The following TRPM3 variants were observed in gnomAD, a reference collection of about 807,000 sequenced individuals.
The protein encoded by TRPM3 is transient receptor potential cation channel subfamily M member 3.
In TRPM3, 77 loss-of-function variants were observed where a neutral mutation model predicts 181.2. The ratio of observed to expected loss-of-function variants is 0.42; its 90% CI spans 0.35 to 0.51. The LOEUF (loss-of-function observed/expected upper bound fraction) is 0.51. Ranked by LOEUF, TRPM3 falls within the 20% of genes least tolerant of loss-of-function variation. The probability of loss-of-function intolerance (pLI) is 0.01; values close to 1 mark genes in which losing one functional copy is unlikely to be tolerated. For synonymous variants in TRPM3, 745 were observed against 796.4 expected, an observed-to-expected ratio of 0.94 and a Z score of 1.09; for missense variants, 1,759 against 2,196.7, an observed-to-expected ratio of 0.80 and a Z score of 3.98.
chr9:71,441,285 G>A (rs188900527), intron 1 of TRPM3, among the ~76,000 whole-genome samples: 13 of 151,380 alleles, frequency 8.6e-5, no homozygotes, highest in South Asian at 4.2e-4. Context: ...CTGTATTCCT[G>A]AGCAATACAA....
chr9:71,272,477 TA>T (rs1474862410), intron 1 of TRPM3, among the ~76,000 whole-genome samples: 1 of 152,204 alleles, frequency 6.6e-6, no homozygotes, highest in Non-Finnish European at 1.5e-5. Flanking sequence ...AGCTCATTTA[TA>T]AATTTATTCA....
rs12552491 is a variant in TRPM3, at chr9:71,032,089, A to G, written c.177+89089T>C. Among the ~76,000 whole-genome samples, 33 of 11,982 alleles carry G rather than the reference A, an allele frequency of 2.8e-3. 4 individuals carry two copies. Among genetic ancestry groups the G allele is most frequent in the South Asian group, 9.3e-3 (4 of 430 alleles). 7.9% of individuals were successfully genotyped at this position (11,982 alleles called of 152,430 possible). A position where few individuals can be genotyped will look rare whatever the true frequency, so the allele number is the denominator to read the frequency against. On this transcript the variant is annotated intron_variant, in intron 1 of 25. Coordinates refer to ENST00000677713, the MANE Select transcript of TRPM3 (RefSeq NM_001366145.2). ...ATATTATATTATATTATATATATAT[A>G]ATTATATAATATTATATATATTATA... is the stretch of plus-strand genomic sequence containing the variant.
In TRPM3 at chr9:70,537,091, G is replaced by A. The variant is rs940339995; in HGVS notation, c.4022C>T (p.Thr1341Ile). 1.2e-6 allele frequency: 2 copies of A among 1,609,888 alleles called. No homozygotes were observed. Among genetic ancestry groups the A allele is most frequent in the African/African-American group, 2.7e-5 (2 of 74,868 alleles). The change falls in exon 26 of 26, where the codon ACC becomes ATC. Residue 1341 changes from threonine (T) to isoleucine (I), a missense_variant. Around this residue, in one of 8 missense-constraint regions of TRPM3, gnomAD observed 612 missense variants for 590.0 expected, o/e 1.04. Transcript: ENST00000677713. ...ATGGCTTCGCATACGGGGCATTAAG[G>A]TTGGAGAAGTTGGGGACATGGTCTC... The part of the protein sequence containing the change: ...GEETMSPTSP[T>I]LMPRMRSHSF...
chr9:71,379,647 C>T (rs755266343), intron 1 of TRPM3, among the ~76,000 whole-genome samples: 1 of 151,988 alleles, frequency 6.6e-6, no homozygotes, highest in Non-Finnish European at 1.5e-5. Flanking sequence ...CTCTCAAACA[C>T]TCACAGCTGG....
chr9:71,273,090 G>C (rs562261598), intron 1 of TRPM3, among the ~76,000 whole-genome samples: 16 of 152,162 alleles, frequency 1.1e-4, no homozygotes, highest in African/African-American at 3.6e-4. Context: ...GCCCAGGCTT[G>C]GTCTCTAACT....
chr9:70,934,252 A>G (rs2096802502), intron 1 of TRPM3, among the ~76,000 whole-genome samples: 1 of 152,110 alleles, frequency 6.6e-6, no homozygotes, highest in Admixed American at 6.6e-5. Context: ...ATTTCCATAG[A>G]AAATTTGGGA....
At chr9:71,037,986 G>A (rs377158169) in intron 1 of TRPM3, among the ~76,000 whole-genome samples, 4 of 152,176 alleles carry the variant, frequency 2.6e-5, no homozygotes, top group South Asian at 2.1e-4. Flanking sequence ...TTCTTCTTCA[G>A]TCAAAACACA....
rs144627619 is a variant in TRPM3 at position 70,985,214 on chromosome 9, A to T, written c.178-120703T>A. Among the ~76,000 whole-genome samples, 34 of 152,302 alleles carry T rather than the reference A, an allele frequency of 2.2e-4. No homozygotes were observed. In the East Asian group the frequency reaches 5.2e-3, roughly 23 times the overall value. On this transcript the variant is annotated intron_variant, in intron 1 of 25. Coordinates refer to ENST00000677713, the MANE Select transcript of TRPM3 (RefSeq NM_001366145.2). ...TAAAAATGCCAGAGGTAAGCCTGAG[A>T]CCCAGTGCCGACTAATTTAATTAAG...
rs2080899172 is a variant in TRPM3 at position 71,229,374 on chromosome 9, A to G, written c.183+217279T>C. 2.6e-5 allele frequency among the ~76,000 whole-genome samples: 4 copies of G among 152,112 alleles called. 1 individual carries two copies. The South Asian group carries it at 8.3e-4, about 31-fold the overall frequency. ...CAAACTACGAAACCACTCAAAGAAA[A>G]CTTTGGAGAAACTCTCCAGGACATT... On this transcript the variant is annotated intron_variant, in intron 1 of 24. Transcript: ENST00000357533.
intron 1 of TRPM3, among the ~76,000 whole-genome samples, chr9:71,202,523 AG>A (rs1482918120): frequency 6.6e-6 from 1 of 152,136 alleles, no homozygotes; most frequent in Non-Finnish European, 1.5e-5. Flanking sequence ...GCAGAATAAG[AG>A]AAATTTCAGG....
intron 9 of TRPM3, among the ~76,000 whole-genome samples, chr9:70,679,341 A>G (rs2134207501): frequency 6.6e-6 from 1 of 152,352 alleles, no homozygotes; most frequent in African/African-American, 2.4e-5. Flanking sequence ...ATGTTGGAAA[A>G]CAACTATTCT....
At chr9:70,682,896 G>T (rs1418547136) in intron 8 of TRPM3, among the ~76,000 whole-genome samples, 1 of 152,152 alleles carries the variant, frequency 6.6e-6, no homozygotes, top group Non-Finnish European at 1.5e-5. Context: ...AATCAGATTT[G>T]CTAATCTATA....
intron 3 of TRPM3, among the ~76,000 whole-genome samples, chr9:70,855,616 AT>A (rs1293070241): frequency 6.6e-6 from 1 of 152,186 alleles, no homozygotes; most frequent in Non-Finnish European, 1.5e-5. Flanking sequence ...TTCTAACAAT[AT>A]TTTTAATGCC....
At chr9:71,373,745 G>A (rs2092593296) in intron 1 of TRPM3, among the ~76,000 whole-genome samples, 1 of 152,070 alleles carries the variant, frequency 6.6e-6, no homozygotes, top group Non-Finnish European at 1.5e-5. Flanking sequence ...AAAAAAAATG[G>A]AAAAGGAGGG....
At chr9:71,022,013 G>A (rs2097851056) in intron 1 of TRPM3, among the ~76,000 whole-genome samples, 1 of 152,138 alleles carries the variant, frequency 6.6e-6, no homozygotes, top group African/African-American at 2.4e-5. Flanking sequence ...ATGGTGACTG[G>A]GGCCAAGGCT....
rs77990440 is a variant in TRPM3 at position 70,973,537 on chromosome 9, T to G, written c.178-109026A>C. Among the ~76,000 whole-genome samples, 134 of 152,278 alleles carry G rather than the reference T, an allele frequency of 8.8e-4. No individual in the cohort carries two copies. In the East Asian group the frequency reaches 0.023, roughly 26 times the overall value. ...CTAAATCATTCTCACTAAACCCAAA[T>G]GTACAGCATCCTTAAGTTAAAAAAT... is the stretch of plus-strand genomic sequence containing the variant. On this transcript the variant is annotated intron_variant, in intron 1 of 25. Transcript: ENST00000677713.
chr9:71,235,221 T>C (rs1013541952), intron 1 of TRPM3, among the ~76,000 whole-genome samples: 1 of 152,252 alleles, frequency 6.6e-6, no homozygotes, highest in Non-Finnish European at 1.5e-5. Flanking sequence ...AGGACTCTGC[T>C]CCATAAATGG....
intron 1 of TRPM3, among the ~76,000 whole-genome samples, chr9:70,977,985 T>C (rs1057465263): frequency 6.6e-6 from 1 of 152,212 alleles, no homozygotes; most frequent in Non-Finnish European, 1.5e-5. Flanking sequence ...ATTAACTTAA[T>C]CTCCAGCCCC....
At chr9:70,946,498 G>A (rs2096935055) in intron 1 of TRPM3, among the ~76,000 whole-genome samples, 2 of 151,956 alleles carry the variant, frequency 1.3e-5, no homozygotes, top group East Asian at 3.9e-4. Context: ...ATAATTAAAT[G>A]CATTAATATT....
Sources: allele counts gnomAD v4.1 joint callset (sites outside exome capture counted in the v4.1 genomes callset), GRCh38; gene constraint gnomAD v4.1.1; regional missense constraint gnomAD v4.1.1; transcripts MANE v1.5; gene names NCBI Gene and HGNC (gene_info 2026-07-23, HGNC 2026-07-21).